The following TNRC6B variants were observed in gnomAD, a reference collection of about 807,000 sequenced individuals.
The protein encoded by TNRC6B is trinucleotide repeat-containing gene 6B protein.
A neutral mutation model predicts 203.6 loss-of-function variants in TNRC6B; 52 were observed. That is an observed-to-expected ratio of 0.26 (90% CI 0.20 to 0.32). The LOEUF (loss-of-function observed/expected upper bound fraction) is 0.32. Among genes scored for constraint, TNRC6B ranks in the 10% least tolerant of loss-of-function variants. The pLI is 1.00. For synonymous variants in TNRC6B, 838 were observed against 845.7 expected, an observed-to-expected ratio of 0.99 and a Z score of 0.16; for missense variants, 1,923 against 2,286.2, an observed-to-expected ratio of 0.84 and a Z score of 3.24.
rs986337154 is a variant in TNRC6B at position 40,308,729 on chromosome 22, C to T, written c.4258+80C>T. 149 of 1,477,106 alleles carry T rather than the reference C, an allele frequency of 1.0e-4. No homozygotes were observed. The East Asian group carries it at 3.4e-3, about 34-fold the overall frequency. The allele number at this position is 1,477,106 out of a possible 1,614,324, so 91.5% of individuals were successfully genotyped here. ...CATCTTATAAGACTATTTTGAAGTA[C>T]AGAACTTGGTATTCATTTTCCTTGT... On this transcript the variant is annotated intron_variant, in intron 16 of 22. Transcript: ENST00000454349.
At chr22:40,241,096 G>C (rs147628454) in intron 1 of TNRC6B, among the ~76,000 whole-genome samples, 2 of 152,192 alleles carry the variant, frequency 1.3e-5, no homozygotes, top group African/African-American at 4.8e-5. Context: ...TACTGCCTGA[G>C]CAATAGTTTT....
chr22:40,050,357 C>T lies in TNRC6B; in HGVS notation c.-121+5359C>T, dbSNP rs570210431. Among the ~76,000 whole-genome samples the T allele has an allele frequency of 2.6e-5, 4 of 152,324 alleles. No homozygotes were observed. In the South Asian group the frequency reaches 8.3e-4, roughly 32 times the overall value. Reference sequence around the variant, plus strand: ...TTCTGGCCTCCCCAACCTTCTCTCACTTCTTTTACACCCCATCCTCCTCTC... The same window carrying T: ...TTCTGGCCTCCCCAACCTTCTCTCATTTCTTTTACACCCCATCCTCCTCTC... On this transcript the variant is annotated intron_variant, in intron 1 of 23. Transcript: ENST00000301923.
intron 1 of TNRC6B, among the ~76,000 whole-genome samples, chr22:40,077,108 A>C (rs1365750511): frequency 3.3e-5 from 3 of 90,534 alleles, no homozygotes; most frequent in Non-Finnish European, 6.5e-5. Context: ...GGGAGAGGAG[A>C]GGGGAGGGGA....
chr22:40,099,039 C>T (rs768758426), intron 1 of TNRC6B, among the ~76,000 whole-genome samples: 33 of 152,100 alleles, frequency 2.2e-4, no homozygotes, highest in Non-Finnish European at 3.5e-4. Context: ...ATCACAAGGT[C>T]AGCAGTTCGA....
intron 1 of TNRC6B, among the ~76,000 whole-genome samples, chr22:40,232,870 G>A (rs926148309): frequency 6.6e-6 from 1 of 152,108 alleles, no homozygotes; most frequent in Non-Finnish European, 1.5e-5. Context: ...AGCCGGGCGT[G>A]GCTGGGCGCG....
At chr22:40,119,032 G>A (rs1341767319) in intron 2 of TNRC6B, among the ~76,000 whole-genome samples, 1 of 152,216 alleles carries the variant, frequency 6.6e-6, no homozygotes, top group African/African-American at 2.4e-5. Context: ...ATGGAACAGA[G>A]ACCAGGCAGA....
At chr22:40,160,205 G>A (rs929284775) in intron 4 of TNRC6B, among the ~76,000 whole-genome samples, 8 of 152,008 alleles carry the variant, frequency 5.3e-5, no homozygotes, top group African/African-American at 1.2e-4. Context: ...GGCCAGGCGC[G>A]GTGACTCACG....
At chr22:40,256,972 T>C (rs1486573875) in intron 3 of TNRC6B, among the ~76,000 whole-genome samples, 2 of 152,026 alleles carry the variant, frequency 1.3e-5, no homozygotes, top group Non-Finnish European at 2.9e-5. Context: ...CAAAAGCCAG[T>C]GTGTGTTGGG....
intron 3 of TNRC6B, among the ~76,000 whole-genome samples, chr22:40,254,409 A>C (rs1212401890): frequency 6.6e-6 from 1 of 152,196 alleles, no homozygotes; most frequent in Non-Finnish European, 1.5e-5. Flanking sequence ...AATCCCAGCT[A>C]CTTGGGAGGC....
At chr22:40,251,778 T>A (rs986965698) in intron 3 of TNRC6B, among the ~76,000 whole-genome samples, 28 of 152,180 alleles carry the variant, frequency 1.8e-4, no homozygotes, top group Non-Finnish European at 2.1e-4. Flanking sequence ...AAACTTTTTT[T>A]AAAGAATAAT....
At chr22:40,139,151 AT>A (rs956607530) in intron 3 of TNRC6B, among the ~76,000 whole-genome samples, 8 of 151,838 alleles carry the variant, frequency 5.3e-5, no homozygotes, top group African/African-American at 1.9e-4. Context: ...TCTCTACAGA[AT>A]CACCTATTCT....
At chr22:40,233,063 G>A (rs926159202) in intron 1 of TNRC6B, among the ~76,000 whole-genome samples, 3 of 152,002 alleles carry the variant, frequency 2.0e-5, no homozygotes, top group African/African-American at 4.8e-5. Flanking sequence ...CAGGAGAATC[G>A]CTTGCACCCA....
intron 3 of TNRC6B, among the ~76,000 whole-genome samples, chr22:40,144,493 G>A (rs191671148): frequency 9.9e-5 from 15 of 151,794 alleles, no homozygotes; most frequent in Non-Finnish European, 1.9e-4. Flanking sequence ...GGCTAACATG[G>A]TGAAACCCTG....
At chr22:40,090,219 A>T (rs1174437560) in intron 1 of TNRC6B, among the ~76,000 whole-genome samples, 1 of 152,214 alleles carries the variant, frequency 6.6e-6, no homozygotes, top group Non-Finnish European at 1.5e-5. Flanking sequence ...TCTGGATTGA[A>T]TGGTAAGAGT....
intron 12 of TNRC6B, among the ~76,000 whole-genome samples, chr22:40,292,732 G>A (rs1006844741): frequency 6.6e-6 from 1 of 152,190 alleles, no homozygotes; most frequent in Non-Finnish European, 1.5e-5. Context: ...TGGTCCTTCT[G>A]TATTCTTTGG....
intron 4 of TNRC6B, among the ~76,000 whole-genome samples, chr22:40,162,811 G>A (rs538372454): frequency 6.6e-6 from 1 of 152,176 alleles, no homozygotes; most frequent in East Asian, 1.9e-4. Context: ...ACAGCTTTTG[G>A]GGGAAATGAG....
At chr22:40,295,360 G>C (rs558084357) in intron 12 of TNRC6B, among the ~76,000 whole-genome samples, 1 of 151,888 alleles carries the variant, frequency 6.6e-6, no homozygotes, top group East Asian at 1.9e-4. Flanking sequence ...CGTAATCCCA[G>C]TTACTCAGGA....
At chr22:40,289,134 T>A (rs1437064459) in intron 12 of TNRC6B, among the ~76,000 whole-genome samples, 1 of 152,080 alleles carries the variant, frequency 6.6e-6, no homozygotes, top group Non-Finnish European at 1.5e-5. Flanking sequence ...TTTTTTTTAA[T>A]GATCCAGGCA....
At position 40,281,110 on chromosome 22, in the gene TNRC6B, A is replaced by G. The variant is rs972470036; in HGVS notation, c.3412-9A>G. The G allele has an allele frequency of 6.5e-7, 1 of 1,545,758 alleles. No homozygotes were observed. Among genetic ancestry groups the G allele is most frequent in the South Asian group, 1.2e-5 (1 of 83,102 alleles). ...TCGTTGTGATTGGCTAACTCCTACT[A>G]CTTTTCAGCTGACTTTGCCTTTCTC... On this transcript the variant is annotated splice_polypyrimidine_tract_variant and intron_variant, in intron 10 of 22. Coordinates refer to ENST00000454349, the MANE Select transcript of TNRC6B (RefSeq NM_001162501.2).
Sources: allele counts gnomAD v4.1 joint callset (sites outside exome capture counted in the v4.1 genomes callset), GRCh38; gene constraint gnomAD v4.1.1; transcripts MANE v1.5; gene names NCBI Gene and HGNC (gene_info 2026-07-23, HGNC 2026-07-21).